The following ENOPH1 variants were observed in gnomAD, a reference collection of about 807,000 sequenced individuals.
The protein encoded by ENOPH1 is enolase-phosphatase 1, also known as enolase-phosphatase E1.
A neutral mutation model predicts 31.1 loss-of-function variants in ENOPH1; 14 were observed. That is an observed-to-expected ratio of 0.45 (90% CI 0.30 to 0.70). The LOEUF is 0.70. Among genes scored for constraint, ENOPH1 ranks in the 30% least tolerant of loss-of-function variants. ENOPH1 has a pLI of 0.09. For synonymous variants in ENOPH1, 127 were observed against 123.2 expected (o/e 1.03, Z -0.21); for missense variants, 243 against 321.5 (o/e 0.76, Z 1.87).
intron 2 of ENOPH1, 52 bp downstream of exon 2, chr4:82,448,073 T>C (rs1722241821): frequency 7.7e-7 from 1 of 1,304,404 alleles, no homozygotes; most frequent in African/African-American, 1.5e-5. Flanking sequence ...TGAGGGTACC[T>C]GGAGATTTAG....
intron 1 of ENOPH1, among the ~76,000 whole-genome samples, chr4:82,440,160 G>C (rs137964804): frequency 5.3e-5 from 8 of 152,312 alleles, no homozygotes; most frequent in Admixed American, 5.2e-4. Context: ...CATAGTAAGT[G>C]CTCAGTAAAT....
intron 2 of ENOPH1, among the ~76,000 whole-genome samples, chr4:82,448,385 C>G (rs570147180): frequency 2.0e-5 from 3 of 151,616 alleles, no homozygotes; most frequent in Non-Finnish European, 4.4e-5. Context: ...CTCAGCCTCC[C>G]GAGTAGCTGG....
intron 1 of ENOPH1, among the ~76,000 whole-genome samples, chr4:82,435,457 A>G (rs1036548197): frequency 6.6e-6 from 1 of 152,158 alleles, no homozygotes; most frequent in Non-Finnish European, 1.5e-5. Context: ...CCAGGCTGGT[A>G]AAGCATTTTT....
intron 5 of ENOPH1, among the ~76,000 whole-genome samples, chr4:82,457,594 C>T (rs1012625695): frequency 4.6e-5 from 7 of 152,068 alleles, no homozygotes; most frequent in Non-Finnish European, 8.8e-5. Context: ...ACTCCTTGTC[C>T]GTGATTTCCC....
Position 82,460,045 on chromosome 4 carries a change from A to C in ENOPH1, c.711A>C (p.Gly237=). 1 of 1,614,192 alleles carries C rather than the reference A, an allele frequency of 6.2e-7. No individual in the cohort carries two copies. The highest frequency in any genetic ancestry group is 1.1e-5 in the South Asian group (1 of 91,082). Residue 237 remains glycine (G), a synonymous_variant, in exon 6 of 6, where the codon GGA becomes GGC. Transcript: ENST00000273920. ...VAVVVRPGNA[G]LTDDEKTYYS... is the part of the protein sequence containing the mutation. ...TGGTGGTGAGACCAGGCAACGCAGG[A>C]TTAACAGATGATGAGAAGACTTACT...
At position 82,448,241 on chromosome 4, in the gene ENOPH1, TTTTTG is replaced by T. The variant is rs1230782028; in HGVS notation, c.186+240_186+244del. On this transcript the variant is annotated intron_variant, in intron 2 of 5. Transcript: ENST00000273920. Reference sequence around the variant, plus strand: ...TCTGGAGTTGCTCTTTGGTTGTTTTTTTTTGTTTTGTTTTGTTTTGTTTTTTTTGT... The same window carrying T: ...TCTGGAGTTGCTCTTTGGTTGTTTTTTTTTGTTTTGTTTTGTTTTTTTTGT... Among the ~76,000 whole-genome samples the T allele has an allele frequency of 7.3e-5, 11 of 150,602 alleles. No individual in the cohort carries two copies. The East Asian group carries it at 1.9e-3, about 26-fold the overall frequency.
At chr4:82,435,525 G>GTATT (rs1435169440) in intron 1 of ENOPH1, among the ~76,000 whole-genome samples, 1 of 152,186 alleles carries the variant, frequency 6.6e-6, no homozygotes, top group Non-Finnish European at 1.5e-5. Context: ...CTCTTATAAT[G>GTATT]TATTTTAGAA....
At chr4:82,448,081 T>C in intron 2 of ENOPH1, 60 bp downstream of exon 2, 1 of 1,201,948 alleles carries the variant, frequency 8.3e-7, no homozygotes, top group Non-Finnish European at 1.2e-6. Flanking sequence ...CCTGGAGATT[T>C]AGGACATGCT....
At chr4:82,432,104 C>T (rs977229452) in intron 1 of ENOPH1, among the ~76,000 whole-genome samples, 1 of 152,050 alleles carries the variant, frequency 6.6e-6, no homozygotes, top group East Asian at 1.9e-4. Flanking sequence ...TTTGTAGAGA[C>T]GGGGTTTCGC....
Position 82,460,477 on chromosome 4 carries a change from C to T in ENOPH1, c.*357C>T, listed in dbSNP as rs893739189. 1 of 163,978 alleles carries T rather than the reference C, an allele frequency of 6.1e-6. No homozygotes were observed. Among genetic ancestry groups the T allele is most frequent in the African/African-American group, 2.4e-5 (1 of 41,920 alleles). 10.2% of individuals were successfully genotyped at this position (163,978 alleles called of 1,614,324 possible). ...GGAAAGCTAGTTTTGAGAAATTATT[C>T]AGAAGCCTTGTTATTTTAAAAATGA... is the stretch of plus-strand genomic sequence containing the variant. On this transcript the variant is annotated 3_prime_UTR_variant, in exon 6 of 6. Coordinates refer to ENST00000273920, the MANE Select transcript of ENOPH1 (RefSeq NM_021204.5).
Position 82,445,307 on chromosome 4 carries a change from T to G in ENOPH1, c.85-2613T>G, listed in dbSNP as rs574947480. Among the ~76,000 whole-genome samples, 345 of 152,370 alleles carry G rather than the reference T, an allele frequency of 2.3e-3. 1 individual carries two copies. Among genetic ancestry groups the G allele is most frequent in the Middle Eastern group, 6.8e-3 (2 of 294 alleles). ...AATAAGCAACTTGAAGGCATTGTAT[T>G]TGTCTTACAGATATTCTCAATAAGT... is the stretch of plus-strand genomic sequence containing the variant. On this transcript the variant is annotated intron_variant, in intron 1 of 5. Coordinates refer to ENST00000273920, the MANE Select transcript of ENOPH1 (RefSeq NM_021204.5).
intron 2 of ENOPH1, among the ~76,000 whole-genome samples, chr4:82,449,952 A>G (rs1379758694): frequency 6.6e-6 from 1 of 152,094 alleles, no homozygotes; most frequent in Non-Finnish European, 1.5e-5. Context: ...ATTGTGTGCT[A>G]TGGAACTCCT....
chr4:82,435,242 C>T (rs745487460), intron 1 of ENOPH1, among the ~76,000 whole-genome samples: 3 of 152,166 alleles, frequency 2.0e-5, no homozygotes, highest in Non-Finnish European at 4.4e-5. Context: ...GCTGGGACCA[C>T]GAGTGTGCAC....
intron 1 of ENOPH1, among the ~76,000 whole-genome samples, chr4:82,440,946 G>T (rs1578095144): frequency 6.6e-6 from 1 of 152,166 alleles, no homozygotes; most frequent in Non-Finnish European, 1.5e-5. Context: ...TTTAATTCCT[G>T]AGACCATGTG....
At position 82,451,186 on chromosome 4, in the gene ENOPH1, C is replaced by T. The variant is rs375078007; in HGVS notation, c.330C>T (p.Leu110=). The change falls in exon 3 of 6, where the codon CTC becomes CTT. Residue 110 remains leucine, a synonymous_variant. Coordinates refer to ENST00000273920, the MANE Select transcript of ENOPH1 (RefSeq NM_021204.5). The part of the protein sequence containing the change: ...QMSLDRKTTA[L]KQLQGHMWRA... Reference sequence around the variant, plus strand: ...CCCTGGATCGAAAGACCACTGCACTCAAACAGCTGCAGGGCCACATGTGGA... The same window carrying T: ...CCCTGGATCGAAAGACCACTGCACTTAAACAGCTGCAGGGCCACATGTGGA... 2.8e-5 allele frequency: 45 copies of T among 1,614,092 alleles called. No homozygotes were observed. The highest frequency in any genetic ancestry group is 3.6e-5 in the Non-Finnish European group (42 of 1,180,046).
At chr4:82,449,057 CAAAAAAA>C (rs10604951) in intron 2 of ENOPH1, among the ~76,000 whole-genome samples, 3 of 49,524 alleles carry the variant, frequency 6.1e-5, no homozygotes, top group African/African-American at 1.7e-4. Flanking sequence ...GACTCCGTCT[CAAAAAAA>C]AAAAAAAAAA....
chr4:82,454,394 T>G (rs572135786), intron 3 of ENOPH1, among the ~76,000 whole-genome samples: 32 of 152,342 alleles, frequency 2.1e-4, no homozygotes, highest in African/African-American at 7.0e-4. Flanking sequence ...ATTATATCAT[T>G]GCTGTTGTTT....
At chr4:82,445,842 A>AG (rs1401724447) in intron 1 of ENOPH1, among the ~76,000 whole-genome samples, 1 of 152,208 alleles carries the variant, frequency 6.6e-6, no homozygotes, top group African/African-American at 2.4e-5. Context: ...AGATGAGGAG[A>AG]GGGGCATATT....
chr4:82,439,361 G>T (rs1003812428), intron 1 of ENOPH1, among the ~76,000 whole-genome samples: 2 of 152,294 alleles, frequency 1.3e-5, no homozygotes, highest in African/African-American at 2.4e-5. Flanking sequence ...GGTAATTTCA[G>T]CATTGAGACC....
Sources: gnomAD v4.1 joint callset for allele counts (sites outside exome capture counted in the v4.1 genomes callset) on GRCh38, gnomAD v4.1.1 for gene constraint, MANE v1.5 for transcripts, NCBI Gene and HGNC (gene_info 2026-07-23, HGNC 2026-07-21) for gene names.